Variants in ATM observed in about 807,000 individuals in gnomAD.
The protein encoded by ATM is serine-protein kinase ATM.
In ATM, 308 loss-of-function variants were observed where a neutral mutation model predicts 387.0. That is an observed-to-expected ratio of 0.80 (90% CI 0.73 to 0.87). The LOEUF (loss-of-function observed/expected upper bound fraction) is 0.87, where lower values mean the gene tolerates loss of function less well. ATM is among the 40% of genes least tolerant of loss of function. The pLI is 0.00. For synonymous variants in ATM, 1,156 were observed against 1,187.3 expected (o/e 0.97, Z 0.54); for missense variants, 3,312 against 3,560.9 (o/e 0.93, Z 1.78).
At chr11:108,310,970 G>A (rs1252226101) in intron 39 of ATM, among the ~76,000 whole-genome samples, 1 of 152,066 alleles carries the variant, frequency 6.6e-6, no homozygotes, top group Non-Finnish European at 1.5e-5. Context: ...CTTTTCAAAT[G>A]TTTGTTCGTT....
chr11:108,312,745 G>A (rs1219278569), intron 40 of ATM, among the ~76,000 whole-genome samples: 1 of 152,150 alleles, frequency 6.6e-6, no homozygotes, highest in Non-Finnish European at 1.5e-5. Context: ...CTGTCTCAGA[G>A]TTTATGCCAT....
intron 22 of ATM, among the ~76,000 whole-genome samples, chr11:108,277,425 C>G (rs2082004376): frequency 6.6e-6 from 1 of 152,186 alleles, no homozygotes; most frequent in Non-Finnish European, 1.5e-5. Flanking sequence ...AAAAAACACT[C>G]TTGCAGCTAG....
chr11:108,292,539 AG>A, intron 29 of ATM, 79 bp from the exon 30 acceptor site: 1 of 1,493,674 alleles, frequency 6.7e-7, no homozygotes, highest in Non-Finnish European at 9.3e-7. Context: ...GCTGAACAAA[AG>A]GACTTCTGAA....
At chr11:108,266,057 A>C (rs1428628988) in intron 16 of ATM, among the ~76,000 whole-genome samples, 1 of 152,028 alleles carries the variant, frequency 6.6e-6, no homozygotes, top group East Asian at 1.9e-4. Flanking sequence ...TAGTTCAACC[A>C]TTGTGGAAGT....
At chr11:108,270,427 A>C (rs922925478) in intron 18 of ATM, among the ~76,000 whole-genome samples, 2 of 152,334 alleles carry the variant, frequency 1.3e-5, no homozygotes, top group African/African-American at 2.4e-5. Flanking sequence ...TGAATTCCAC[A>C]ATAGAAGCTA....
rs1591307673 is a variant in ATM, at chr11:108,353,890, A to G, written c.8786+10A>G. On this transcript the variant is annotated intron_variant, in intron 60 of 62. Coordinates refer to ENST00000675843, the MANE Select transcript of ATM (RefSeq NM_000051.4). ...AAGGTGTCTTCAGAAGGTAAGTGAT[A>G]TGAAGTAAAGGAGGGAAATAATTTT... The G allele has an allele frequency of 6.2e-7, 1 of 1,603,244 alleles. No individual in the cohort carries two copies. The highest frequency in any genetic ancestry group is 1.7e-5 in the Admixed American group (1 of 59,982).
chr11:108,266,746 T>G (rs2081270606), intron 16 of ATM, among the ~76,000 whole-genome samples: 1 of 152,168 alleles, frequency 6.6e-6, no homozygotes, highest in African/African-American at 2.4e-5. Flanking sequence ...AGTACTGTAG[T>G]TTTCATACTT....
Position 108,254,016 on chromosome 11 carries a change from C to T in ATM, c.2101C>T (p.Leu701Phe), listed in dbSNP as rs2080316102. ...CTGTCTTCTGGGATTATCAGAACAGCTTCTGAATAATTACTCATCTGAGGT... is the reference window on the plus strand; with the variant it reads ...CTGTCTTCTGGGATTATCAGAACAGTTTCTGAATAATTACTCATCTGAGGT... ...DRCLLGLSEQ[L>F]LNNYSSEITN... Residue 701 changes from leucine (L) to phenylalanine (F), a missense_variant, in exon 13 of 63, where the codon CTT (leucine) becomes TTT (phenylalanine). Around this residue, in one of 4 missense-constraint regions of ATM, gnomAD observed 1,791 missense variants for 1,804.5 expected, o/e 0.99. Coordinates refer to ENST00000675843, the MANE Select transcript of ATM (RefSeq NM_000051.4). 1 of 1,613,632 alleles carries T rather than the reference C, an allele frequency of 6.2e-7. No individual in the cohort carries two copies. Among genetic ancestry groups the T allele is most frequent in the South Asian group, 1.1e-5 (1 of 91,076 alleles).
intron 1 of ATM, chr11:108,223,717 A>G (rs1264635331): frequency 6.6e-6 from 1 of 152,226 alleles, no homozygotes; most frequent in Non-Finnish European, 1.5e-5. Context: ...GTGGATGATA[A>G]TGTATGTGGT....
At chr11:108,226,277 C>T (rs2078732129) in intron 1 of ATM, 3 of 152,110 alleles carry the variant, frequency 2.0e-5, no homozygotes, top group Admixed American at 1.3e-4. Flanking sequence ...ATAGGTAGCC[C>T]TTCAAGCCAT....
intron 55 of ATM, chr11:108,335,379 T>A (rs1323156635): frequency 2.0e-6 from 2 of 1,008,058 alleles, no homozygotes; most frequent in African/African-American, 1.6e-5. Context: ...TTGCTTCTTA[T>A]GAAAAAAAAT....
chr11:108,284,624 T>C, intron 26 of ATM, 151 bp downstream of exon 26: 1 of 1,055,870 alleles, frequency 9.5e-7, no homozygotes, highest in South Asian at 1.5e-5. Flanking sequence ...CCCATGAATT[T>C]TTTTGGTTAT....
At position 108,249,043 on chromosome 11, in the gene ATM, C is replaced by G. The variant is rs1800727; in HGVS notation, c.1176C>G (p.Gly392=). The G allele has an allele frequency of 2.7e-3, 4,333 of 1,613,932 alleles. 95 individuals are homozygous for G. The African/African-American group carries it at 0.049, about 18-fold the overall frequency. Residue 392 remains glycine (G), a synonymous_variant, in exon 9 of 63, where the codon GGC becomes GGG. Coordinates refer to ENST00000675843, the MANE Select transcript of ATM (RefSeq NM_000051.4). ...GCAAAAGGAAGAAAATAGAACTAGG[C>G]TGGGAAGTAATAAAAGATCACCTTC... ...VPCKRKKIEL[G]WEVIKDHLQK...
chr11:108,354,980 G>C (rs1163141561), intron 61 of ATM, 106 bp downstream of exon 61: 1 of 971,130 alleles, frequency 1.0e-6, no homozygotes, highest in Non-Finnish European at 1.6e-6. Context: ...TTTAACATAG[G>C]GGGATGTGGC....
intron 7 of ATM, among the ~76,000 whole-genome samples, chr11:108,246,231 A>C (rs895681631): frequency 1.3e-5 from 2 of 152,184 alleles, no homozygotes; most frequent in African/African-American, 4.8e-5. Context: ...GTGAAAGAAT[A>C]GTGACTTTTA....
chr11:108,310,345 AAATT>A, intron 39 of ATM, 30 bp downstream of exon 39: 3 of 1,591,304 alleles, frequency 1.9e-6, no homozygotes, highest in Non-Finnish European at 2.6e-6. Flanking sequence ...TTGGTTTTTA[AAATT>A]AATGTTGGCA....
rs183548810 is a variant in ATM, at chr11:108,343,511, T to C, written c.8418+140T>C. On this transcript the variant is annotated intron_variant, in intron 57 of 62. Coordinates refer to ENST00000675843, the MANE Select transcript of ATM (RefSeq NM_000051.4). ...CAAAGATACTAAGTAAAAGAAAAACTCATCAGAATGAAAGTGTGTGAGTGA... is the reference window on the plus strand; with the variant it reads ...CAAAGATACTAAGTAAAAGAAAAACCCATCAGAATGAAAGTGTGTGAGTGA... The C allele has an allele frequency of 9.9e-6, 10 of 1,009,188 alleles. No homozygotes were observed. The East Asian group carries it at 1.8e-4, about 18-fold the overall frequency. 62.5% of individuals were successfully genotyped at this position (1,009,188 alleles called of 1,614,324 possible). A position where few individuals can be genotyped will look rare whatever the true frequency, so the allele number is the denominator to read the frequency against.
At chr11:108,291,001 T>C (rs2082760743) in intron 29 of ATM, among the ~76,000 whole-genome samples, 1 of 152,106 alleles carries the variant, frequency 6.6e-6, no homozygotes, top group Non-Finnish European at 1.5e-5. Flanking sequence ...TTTGGGAGGC[T>C]GAGGCGGGTG....
At chr11:108,292,487 G>A in intron 29 of ATM, 132 bp from the exon 30 acceptor site, 2 of 1,092,342 alleles carry the variant, frequency 1.8e-6, no homozygotes, top group South Asian at 1.4e-5. Flanking sequence ...TGGCTTATAA[G>A]CCATTAAAAT....
Sources: gnomAD v4.1 joint callset for allele counts (sites outside exome capture counted in the v4.1 genomes callset) on GRCh38, gnomAD v4.1.1 for gene constraint, gnomAD v4.1.1 regional missense constraint, MANE v1.5 for transcripts, NCBI Gene and HGNC (gene_info 2026-07-23, HGNC 2026-07-21) for gene names.